Variants in PMPCB observed in about 807,000 individuals in gnomAD.
The protein encoded by PMPCB is mitochondrial-processing peptidase subunit beta.
Under a neutral mutation model 61.5 loss-of-function variants are expected in PMPCB, and 46 were observed. That is an observed-to-expected ratio of 0.75 (90% CI 0.59 to 0.96). The LOEUF is 0.96. PMPCB is among the 40% of genes least tolerant of loss of function. The probability of loss-of-function intolerance (pLI) is 0.00; values close to 1 mark genes in which losing one functional copy is unlikely to be tolerated. For missense variants in PMPCB, 590 were observed against 602.4 expected (o/e 0.98, Z 0.22); for synonymous variants, 191 against 201.6 (o/e 0.95, Z 0.44).
chr7:103,315,932 A>G (rs779082791), downstream of PMPCB: 13 of 1,549,056 alleles, frequency 8.4e-6, no homozygotes, highest in African/African-American at 4.1e-5. Flanking sequence ...ATTAAATTGC[A>G]TAAGTTATTT....
chr7:103,303,751 C>T, intron 4 of PMPCB, 91 bp from the exon 5 acceptor site: 1 of 771,172 alleles, frequency 1.3e-6, no homozygotes, highest in East Asian at 2.7e-5. Flanking sequence ...AGTGATGGGT[C>T]AGTGTCATGA....
the PMPCB span, among the ~76,000 whole-genome samples, chr7:103,345,745 T>C: frequency 6.6e-6 from 1 of 151,820 alleles, no homozygotes; most frequent in Non-Finnish European, 1.5e-5. Flanking sequence ...CGTGAGTCAC[T>C]GTGCCAGGCC....
At chr7:103,316,309 C>T (rs1818052278), downstream of PMPCB, 3 of 368,028 alleles carry the variant, frequency 8.2e-6, no homozygotes, top group Non-Finnish European at 1.5e-5. Flanking sequence ...TAAGTCCATA[C>T]ATCTTACAGA....
chr7:103,298,787 C>G, intron 2 of PMPCB, 79 bp downstream of exon 2: 1 of 1,383,768 alleles, frequency 7.2e-7, no homozygotes. Flanking sequence ...TTAGCTTTTT[C>G]GTTGGCTGGT....
At chr7:103,298,043 A>G in intron 1 of PMPCB, 5 of 657,686 alleles carry the variant, frequency 7.6e-6, no homozygotes, top group Non-Finnish European at 1.0e-5. Flanking sequence ...AGGGCAAAGA[A>G]AAACTGCTGA....
chr7:103,299,826 G>A (rs544200775), intron 3 of PMPCB, among the ~76,000 whole-genome samples: 12 of 152,080 alleles, frequency 7.9e-5, no homozygotes, highest in Middle Eastern at 3.4e-3. Context: ...GCTGGAGTGC[G>A]GTGACGCAAT....
chr7:103,306,045 A>G (rs1012722837), intron 6 of PMPCB, among the ~76,000 whole-genome samples: 43 of 152,354 alleles, frequency 2.8e-4, no homozygotes, highest in African/African-American at 1.0e-3. Flanking sequence ...TTTAAATACT[A>G]CATAAGTGAT....
the PMPCB span, among the ~76,000 whole-genome samples, chr7:103,342,797 A>G: frequency 2.7e-5 from 4 of 150,924 alleles, no homozygotes; most frequent in African/African-American, 9.8e-5. Flanking sequence ...TTTAGTAAAG[A>G]CGGGGTTTCA....
rs143667678 is a variant in PMPCB, at chr7:103,319,966, G to A, written c.*1431+7835G>A. 38 of 956,436 alleles carry A rather than the reference G, an allele frequency of 4.0e-5. 1 individual carries two copies. The Middle Eastern group carries it at 9.3e-4, about 23-fold the overall frequency. The allele number at this position is 956,436 out of a possible 1,614,324, so 59.2% of individuals were successfully genotyped here. Reference sequence around the variant, plus strand: ...AGGAGAATCGCTTGAACCTGGAGGCGGAAATTGCAGCAAACTGAGATCACG... The same window carrying A: ...AGGAGAATCGCTTGAACCTGGAGGCAGAAATTGCAGCAAACTGAGATCACG... On this transcript the variant is annotated intron_variant and NMD_transcript_variant, in intron 12 of 12. Transcript: ENST00000444457.
At chr7:103,341,672 C>T in the PMPCB span, 1 of 1,109,664 alleles carries the variant, frequency 9.0e-7, no homozygotes, top group African/African-American at 1.6e-5. Flanking sequence ...GCTGAATCAT[C>T]TTAAAACATG....
chr7:103,309,112 G>T lies in PMPCB; in HGVS notation c.993+17G>T, dbSNP rs2115694410. The T allele has an allele frequency of 1.9e-6, 3 of 1,575,040 alleles. No individual in the cohort carries two copies. Among genetic ancestry groups the T allele is most frequent in the East Asian group, 2.3e-5 (1 of 43,926 alleles). ...GGAGGAATGGTAAGTGATTTTAAAA[G>T]AAATTTTCCATAACAGATGGAAGAT... On this transcript the variant is annotated intron_variant, in intron 8 of 12. Coordinates refer to ENST00000249269, the MANE Select transcript of PMPCB (RefSeq NM_004279.3).
the PMPCB span, among the ~76,000 whole-genome samples, chr7:103,342,610 A>AT: frequency 6.2e-3 from 841 of 136,344 alleles, 1 homozygote; most frequent in East Asian, 0.011. Context: ...CACCTGGACA[A>AT]TTTTTTTTTT....
In PMPCB at chr7:103,304,494, A is replaced by G; in HGVS notation, c.736+4A>G. On this transcript the variant is annotated splice_donor_region_variant and intron_variant, in intron 6 of 12. Transcript: ENST00000249269. The stretch of plus-strand genomic sequence containing the variant: ...ATAGTGCTTGCTGCTGCTGGAGGTT[A>G]GTCAATTTAAATTTCTACAAATGTT... 1 of 1,585,232 alleles carries G rather than the reference A, an allele frequency of 6.3e-7. No homozygotes were observed. Among genetic ancestry groups the G allele is most frequent in the Admixed American group, 1.7e-5 (1 of 59,956 alleles).
chr7:103,297,505 C>G lies in PMPCB; in HGVS notation c.46C>G (p.Arg16Gly). The G allele has an allele frequency of 6.3e-7, 1 of 1,581,728 alleles. No individual in the cohort carries two copies. The highest frequency in any genetic ancestry group is 8.6e-7 in the Non-Finnish European group (1 of 1,163,940). The change falls in exon 1 of 13, where the codon CGG becomes GGG. Residue 16 changes from arginine to glycine, a missense_variant. Coordinates refer to ENST00000249269, the MANE Select transcript of PMPCB (RefSeq NM_004279.3). ...ARVVLSSAAR[R>G]RLWGFSESLL... Reference sequence around the variant, plus strand: ...AGTGGTGTTGTCATCCGCGGCGCGGCGGCGGCTCTGGGGTTTCAGCGAGAG... The same window carrying G: ...AGTGGTGTTGTCATCCGCGGCGCGGGGGCGGCTCTGGGGTTTCAGCGAGAG...
intron 4 of PMPCB, among the ~76,000 whole-genome samples, chr7:103,303,019 T>C (rs1234711277): frequency 6.6e-6 from 1 of 152,218 alleles, no homozygotes; most frequent in East Asian, 1.9e-4. Context: ...ATGCGCTTTT[T>C]CTGATAAAAT....
chr7:103,300,229 G>A lies in PMPCB; in HGVS notation c.379G>A (p.Gly127Ser). Reference sequence around the variant, plus strand: ...TCTGGAACTTGAGATTGAAAATATGGGTGCTCATCTCAATGCCTATACCTC... The same window carrying A: ...TCTGGAACTTGAGATTGAAAATATGAGTGCTCATCTCAATGCCTATACCTC... ...LDLELEIENM[G>S]AHLNAYTSRE... Residue 127 changes from glycine to serine, a missense_variant, in exon 4 of 13, where the codon GGT becomes AGT. Transcript: ENST00000249269. The A allele has an allele frequency of 6.2e-7, 1 of 1,610,898 alleles. No individual in the cohort carries two copies. Among genetic ancestry groups the A allele is most frequent in the Non-Finnish European group, 8.5e-7 (1 of 1,177,316 alleles).
At chr7:103,317,017 G>A, downstream of PMPCB, 2 of 1,610,852 alleles carry the variant, frequency 1.2e-6, no homozygotes, top group Admixed American at 1.7e-5. Flanking sequence ...TCTTCTATCT[G>A]CACAAATATC....
In PMPCB at chr7:103,312,490, C is replaced by T. The variant is rs1269382307; in HGVS notation, c.*219C>T. The T allele has an allele frequency of 6.4e-7, 1 of 1,566,978 alleles. No individual in the cohort carries two copies. The highest frequency in any genetic ancestry group is 1.4e-5 in the African/African-American group (1 of 72,952). On this transcript the variant is annotated 3_prime_UTR_variant, in exon 13 of 13. Coordinates refer to ENST00000249269, the MANE Select transcript of PMPCB (RefSeq NM_004279.3). ...GAAGCAGCATACTTTCAAATTATTA[C>T]CATGAGTATAATTTTAAGAATGAAA...
the PMPCB span, chr7:103,344,781 A>T: frequency 5.8e-6 from 4 of 686,344 alleles, no homozygotes; most frequent in Non-Finnish European, 1.0e-5. Flanking sequence ...CACTTCCGGG[A>T]TGGATCTTTC....
Sources: gnomAD v4.1 joint callset for allele counts (sites outside exome capture counted in the v4.1 genomes callset) on GRCh38, gnomAD v4.1.1 for gene constraint, MANE v1.5 for transcripts, NCBI Gene and HGNC (gene_info 2026-07-23, HGNC 2026-07-21) for gene names.